The following KAZN variants were observed in gnomAD, a reference collection of about 807,000 sequenced individuals.
The protein encoded by KAZN is kazrin, periplakin interacting protein.
KAZN carries 40 observed loss-of-function variants against 87.4 expected under a neutral mutation model. The observed-to-expected ratio is 0.46, with a 90% confidence interval of 0.36 to 0.60. The LOEUF (loss-of-function observed/expected upper bound fraction) is 0.60, where lower values mean the gene tolerates loss of function less well. KAZN is among the 20% of genes least tolerant of loss of function. KAZN has a pLI of 0.00. For synonymous variants in KAZN, 466 were observed against 458.3 expected (o/e 1.02, Z -0.22); for missense variants, 898 against 1,073.9 (o/e 0.84, Z 2.29).
At chr1:14,223,990 G>C (rs1003165311) in intron 2 of KAZN, among the ~76,000 whole-genome samples, 2 of 152,158 alleles carry the variant, frequency 1.3e-5, no homozygotes, top group African/African-American at 4.8e-5. Flanking sequence ...GTTCACGATC[G>C]TCAGGGCACA....
chr1:14,003,373 G>A (rs1179951435), intron 1 of KAZN, among the ~76,000 whole-genome samples: 4 of 150,508 alleles, frequency 2.7e-5, no homozygotes, highest in South Asian at 4.2e-4. Context: ...AACCTAAAAT[G>A]TATGTGGAAA....
intron 1 of KAZN, among the ~76,000 whole-genome samples, chr1:14,632,662 G>T (rs989852238): frequency 6.7e-6 from 1 of 148,414 alleles, no homozygotes; most frequent in Non-Finnish European, 1.5e-5. Context: ...TCTTCCAAAT[G>T]AACTTGCACT....
At chr1:14,605,368 C>T (rs1236144045) in intron 1 of KAZN, among the ~76,000 whole-genome samples, 1 of 152,160 alleles carries the variant, frequency 6.6e-6, no homozygotes, top group Non-Finnish European at 1.5e-5. Context: ...GGCCCCCACC[C>T]AGCACAGTAA....
chr1:15,085,610 G>A (rs1183357127), intron 8 of KAZN, among the ~76,000 whole-genome samples: 3 of 152,180 alleles, frequency 2.0e-5, no homozygotes, highest in Non-Finnish European at 4.4e-5. Context: ...TTACAGGCGT[G>A]AGCCACCACG....
chr1:14,128,593 G>T (rs892823220), intron 1 of KAZN, among the ~76,000 whole-genome samples: 10 of 152,104 alleles, frequency 6.6e-5, no homozygotes, highest in Non-Finnish European at 1.5e-4. Flanking sequence ...CTTCTCAGAA[G>T]TACGCCAATC....
At chr1:14,103,712 T>C (rs1281796936) in intron 1 of KAZN, among the ~76,000 whole-genome samples, 1 of 152,186 alleles carries the variant, frequency 6.6e-6, no homozygotes, top group Non-Finnish European at 1.5e-5. Flanking sequence ...CTCTTGTGAT[T>C]TTATTGGGCT....
Position 14,923,316 on chromosome 1 carries a change from A to AG in KAZN, c.227-37363dup, listed in dbSNP as rs1319122360. On this transcript the variant is annotated intron_variant, in intron 1 of 14. Coordinates refer to ENST00000376030, the MANE Select transcript of KAZN (RefSeq NM_201628.3). The surrounding 1 kb of genome is among the most constrained non-coding windows in gnomAD (Gnocchi z 4.2). ...AACAGCATCGTAATCCCCAGATCAA[A>AG]GGGGGCTCAGAGCTGCACACTTACT... is the stretch of plus-strand genomic sequence containing the variant. Among the ~76,000 whole-genome samples, 5 of 152,164 alleles carry AG rather than the reference A, an allele frequency of 3.3e-5. No homozygotes were observed. In the South Asian group the frequency reaches 8.3e-4, roughly 25 times the overall value.
At chr1:14,164,534 C>CTTTTTTTTTTTT (rs1168650321) in intron 1 of KAZN, among the ~76,000 whole-genome samples, 1 of 93,760 alleles carries the variant, frequency 1.1e-5, no homozygotes, top group Non-Finnish European at 2.1e-5. Context: ...TGAGTTTCCT[C>CTTTTTTTTTTTT]TTTTTTTTTT....
intron 1 of KAZN, among the ~76,000 whole-genome samples, chr1:14,722,999 A>C (rs1643196232): frequency 6.6e-6 from 1 of 151,974 alleles, no homozygotes; most frequent in African/African-American, 2.4e-5. Context: ...GGTGGTGTGC[A>C]CCTGTGTTTC....
chr1:14,614,101 A>C (rs925709760), intron 1 of KAZN, among the ~76,000 whole-genome samples: 1 of 152,176 alleles, frequency 6.6e-6, no homozygotes, highest in Non-Finnish European at 1.5e-5. Context: ...TGCCATCACT[A>C]ACTAGTGTCA....
chr1:14,594,233 G>A (rs1332859707), upstream of KAZN, among the ~76,000 whole-genome samples: 1 of 152,128 alleles, frequency 6.6e-6, no homozygotes, highest in South Asian at 2.1e-4. Context: ...TATATTATGA[G>A]GTCACTCTAT....
At chr1:15,075,209 G>A (rs1639683514) in intron 8 of KAZN, among the ~76,000 whole-genome samples, 1 of 152,164 alleles carries the variant, frequency 6.6e-6, no homozygotes, top group South Asian at 2.1e-4. Context: ...TGTCTGAACT[G>A]GTTCTGGAAC....
chr1:14,849,151 G>A (rs1405838102), intron 1 of KAZN, among the ~76,000 whole-genome samples: 1 of 152,174 alleles, frequency 6.6e-6, no homozygotes, highest in Non-Finnish European at 1.5e-5. Context: ...TCCTGCAAGG[G>A]CCTGCGTTCA....
chr1:13,914,624 A>G (rs901736138), intron 1 of KAZN, among the ~76,000 whole-genome samples: 3 of 152,186 alleles, frequency 2.0e-5, no homozygotes, highest in Non-Finnish European at 2.9e-5. Flanking sequence ...CTGGCTTTGA[A>G]AAAGCAAGAA....
At chr1:14,062,074 G>A (rs1642816643) in intron 1 of KAZN, among the ~76,000 whole-genome samples, 1 of 152,160 alleles carries the variant, frequency 6.6e-6, no homozygotes, top group Admixed American at 6.5e-5. Context: ...GCACCCTGGA[G>A]AGCTGTGCTA....
chr1:15,017,679 C>G (rs1398583217), intron 2 of KAZN, among the ~76,000 whole-genome samples: 2 of 152,130 alleles, frequency 1.3e-5, no homozygotes, highest in Non-Finnish European at 2.9e-5. Context: ...TGGTGGGCAC[C>G]TGTAATCCCA....
intron 2 of KAZN, among the ~76,000 whole-genome samples, chr1:14,289,489 G>C (rs1353878125): frequency 6.6e-6 from 1 of 151,544 alleles, no homozygotes; most frequent in Non-Finnish European, 1.5e-5. Flanking sequence ...TTTTATCAGA[G>C]ACTAGGATTG....
Position 14,556,297 on chromosome 1 carries a change from G to T in KAZN, c.250-42686G>T, listed in dbSNP as rs543491291. ...GCTAATTTTTTGTGTTTTTAGTAGA[G>T]ACAGGATTTCCCTGTGTTATCCAGG... On this transcript the variant is annotated intron_variant, in intron 2 of 16. Coordinates refer to the KAZN transcript ENST00000636203. Among the ~76,000 whole-genome samples the T allele has an allele frequency of 2.6e-5, 4 of 152,004 alleles. No individual in the cohort carries two copies. The East Asian group carries it at 7.8e-4, about 30-fold the overall frequency.
chr1:14,031,665 G>A (rs983496813), intron 1 of KAZN, among the ~76,000 whole-genome samples: 7 of 152,182 alleles, frequency 4.6e-5, no homozygotes, highest in African/African-American at 1.7e-4. Context: ...GGTTGTCATG[G>A]CAACACATCC....
Sources: gnomAD v4.1 joint callset for allele counts (sites outside exome capture counted in the v4.1 genomes callset) on GRCh38, gnomAD v4.1.1 for gene constraint, Gnocchi (gnomAD v3.1) non-coding constraint, MANE v1.5 for transcripts, NCBI Gene and HGNC (gene_info 2026-07-23, HGNC 2026-07-21) for gene names.